The following FAM117B variants were observed in gnomAD, a reference collection of about 807,000 sequenced individuals.
FAM117B encodes family with sequence similarity 117 member B, also known as protein FAM117B.
Under a neutral mutation model 52.8 loss-of-function variants are expected in FAM117B, and 22 were observed. The ratio of observed to expected loss-of-function variants is 0.42; its 90% confidence interval spans 0.30 to 0.59. FAM117B has a LOEUF of 0.59. Ranked by LOEUF, FAM117B falls within the 20% of genes least tolerant of loss-of-function variation. FAM117B has a pLI of 0.22. For synonymous variants in FAM117B, 309 were observed against 324.1 expected, an observed-to-expected ratio of 0.95 and a Z score of 0.50; for missense variants, 678 against 802.6, an observed-to-expected ratio of 0.84 and a Z score of 1.88.
chr2:202,662,036 C>A (rs10184507), intron 1 of FAM117B, among the ~76,000 whole-genome samples: 1 of 151,704 alleles, frequency 6.6e-6, no homozygotes, highest in African/African-American at 2.4e-5. Flanking sequence ...TATTGCAGAG[C>A]TATTCACAAT....
chr2:202,715,022 T>C (rs1197288749), intron 2 of FAM117B, among the ~76,000 whole-genome samples: 2 of 152,240 alleles, frequency 1.3e-5, no homozygotes, highest in South Asian at 2.1e-4. Flanking sequence ...ATTGTCATCA[T>C]GGCCCGTTCT....
intron 1 of FAM117B, among the ~76,000 whole-genome samples, chr2:202,681,129 T>C (rs1690457737): frequency 6.6e-6 from 1 of 152,142 alleles, no homozygotes; most frequent in African/African-American, 2.4e-5. Context: ...TACAGTGTGA[T>C]AAGTTAAAGA....
intron 1 of FAM117B, among the ~76,000 whole-genome samples, chr2:202,682,940 A>G (rs1690485098): frequency 6.6e-6 from 1 of 152,232 alleles, no homozygotes; most frequent in African/African-American, 2.4e-5. Context: ...CTAAAATAAT[A>G]ATTTAAGCAC....
intron 1 of FAM117B, among the ~76,000 whole-genome samples, chr2:202,666,419 C>A: frequency 6.6e-6 from 1 of 151,498 alleles, no homozygotes; most frequent in East Asian, 1.9e-4. Flanking sequence ...CACATATGTA[C>A]CATATGTACA....
At chr2:202,641,937 C>A (rs1689776089) in intron 1 of FAM117B, among the ~76,000 whole-genome samples, 1 of 148,756 alleles carries the variant, frequency 6.7e-6, no homozygotes, top group Non-Finnish European at 1.5e-5. Flanking sequence ...CCGCGCCTGG[C>A]AGATATTTTC....
intron 2 of FAM117B, among the ~76,000 whole-genome samples, chr2:202,697,577 A>C (rs1389933702): frequency 6.8e-6 from 1 of 147,982 alleles, no homozygotes; most frequent in Non-Finnish European, 1.5e-5. Context: ...CTGAGATAGA[A>C]TCTCGCTGTG....
intron 4 of FAM117B, among the ~76,000 whole-genome samples, chr2:202,746,573 G>A (rs548296184): frequency 7.2e-5 from 11 of 151,810 alleles, no homozygotes; most frequent in South Asian, 6.2e-4. Flanking sequence ...AAACCAAACC[G>A]AAAAGTATTA....
chr2:202,662,143 T>G (rs1690140205), intron 1 of FAM117B, among the ~76,000 whole-genome samples: 1 of 151,922 alleles, frequency 6.6e-6, no homozygotes, highest in Non-Finnish European at 1.5e-5. Context: ...TGTGTGTATG[T>G]GTGTATGTGT....
At chr2:202,704,268 C>T (rs1690841130) in intron 2 of FAM117B, among the ~76,000 whole-genome samples, 1 of 152,138 alleles carries the variant, frequency 6.6e-6, no homozygotes. Flanking sequence ...AATAAATGTT[C>T]TCTGTTAAAT....
intron 1 of FAM117B, among the ~76,000 whole-genome samples, chr2:202,689,099 A>G (rs1447950281): frequency 6.6e-6 from 1 of 152,236 alleles, no homozygotes; most frequent in Non-Finnish European, 1.5e-5. Context: ...ATAAAATCAT[A>G]TGTATGTCCA....
intron 1 of FAM117B, among the ~76,000 whole-genome samples, chr2:202,636,553 C>T (rs1689689942): frequency 6.6e-6 from 1 of 152,104 alleles, no homozygotes; most frequent in Non-Finnish European, 1.5e-5. Context: ...TGGGGAAGGT[C>T]CTGAATGGAG....
In FAM117B at chr2:202,731,346, T is replaced by TAA. The variant is rs1559111618; in HGVS notation, c.960+4984_960+4985insAA. On this transcript the variant is annotated intron_variant, in intron 4 of 7. Transcript: ENST00000392238. Reference sequence around the variant, plus strand: ...GGAGAAATTGGAATATATATATATATATATATATATATATATATATATGGA... The same window carrying TAA: ...GGAGAAATTGGAATATATATATATATAAATATATATATATATATATATATGGA... 7.9e-5 allele frequency among the ~76,000 whole-genome samples: 10 copies of TAA among 126,706 alleles called. 1 individual carries two copies. The East Asian group carries it at 2.6e-3, about 33-fold the overall frequency. The allele number at this position is 126,706 out of a possible 152,430, so 83.1% of individuals were successfully genotyped here. A position where few individuals can be genotyped will look rare whatever the true frequency, so the allele number is the denominator to read the frequency against.
At chr2:202,709,409 T>C (rs1452143295) in intron 2 of FAM117B, among the ~76,000 whole-genome samples, 2 of 152,084 alleles carry the variant, frequency 1.3e-5, no homozygotes, top group African/African-American at 4.8e-5. Flanking sequence ...ATCATATTGG[T>C]CAGCCTGGTC....
At chr2:202,636,037 A>G (rs1689681570) in intron 1 of FAM117B, among the ~76,000 whole-genome samples, 1 of 124,588 alleles carries the variant, frequency 8.0e-6, no homozygotes, top group Admixed American at 1.0e-4. Context: ...CTGGTGGTGG[A>G]GGTGCAGCGG....
At chr2:202,743,978 C>T (rs1366160391) in intron 4 of FAM117B, among the ~76,000 whole-genome samples, 1 of 152,112 alleles carries the variant, frequency 6.6e-6, no homozygotes, top group Non-Finnish European at 1.5e-5. Context: ...CTGAAAACTC[C>T]CTCAGTCTTA....
chr2:202,718,507 AT>A (rs1559108936), intron 2 of FAM117B, among the ~76,000 whole-genome samples: 1 of 152,158 alleles, frequency 6.6e-6, no homozygotes. Context: ...ATATCAGTTG[AT>A]TTTTTTGTTT....
intron 1 of FAM117B, among the ~76,000 whole-genome samples, chr2:202,673,533 C>T (rs560818792): frequency 1.4e-4 from 21 of 146,022 alleles, no homozygotes; most frequent in Middle Eastern, 3.7e-3. Context: ...CTGCAACCTC[C>T]GCCTCCTGGG....
At chr2:202,736,891 C>T (rs1691446368) in intron 4 of FAM117B, among the ~76,000 whole-genome samples, 1 of 151,956 alleles carries the variant, frequency 6.6e-6, no homozygotes, top group Non-Finnish European at 1.5e-5. Context: ...ATCCTACTTG[C>T]CTATCAAAGC....
At chr2:202,730,493 A>G (rs1012759742) in intron 4 of FAM117B, among the ~76,000 whole-genome samples, 2 of 152,062 alleles carry the variant, frequency 1.3e-5, no homozygotes, top group African/African-American at 4.8e-5. Flanking sequence ...AACATGGCAA[A>G]ACCCCCTCTC....
Sources: gnomAD v4.1 joint callset for allele counts (sites outside exome capture counted in the v4.1 genomes callset) on GRCh38, gnomAD v4.1.1 for gene constraint, MANE v1.5 for transcripts, NCBI Gene and HGNC (gene_info 2026-07-23, HGNC 2026-07-21) for gene names.